The following CHST9 variants were observed in gnomAD, a reference collection of about 807,000 sequenced individuals.
The protein encoded by CHST9 is GalNAc-4-sulfotransferase 2.
A neutral mutation model predicts 44.4 loss-of-function variants in CHST9; 41 were observed. The observed-to-expected ratio is 0.92, with a 90% CI of 0.72 to 1.20. The LOEUF (loss-of-function observed/expected upper bound fraction) is 1.20. CHST9 is among the 50% of genes most tolerant of loss of function. CHST9 has a pLI of 0.00. For synonymous variants in CHST9, 171 were observed against 178.4 expected, an observed-to-expected ratio of 0.96 and a Z score of 0.33; for missense variants, 504 against 516.5, an observed-to-expected ratio of 0.98 and a Z score of 0.23.
intron 1 of CHST9, among the ~76,000 whole-genome samples, chr18:27,158,226 T>C (rs1304502820): frequency 3.3e-5 from 5 of 152,126 alleles, no homozygotes; most frequent in Non-Finnish European, 5.9e-5. Flanking sequence ...TTAACATTAG[T>C]TATATCTCCC....
intron 2 of CHST9, among the ~76,000 whole-genome samples, chr18:27,124,113 C>T (rs2058399454): frequency 6.6e-6 from 1 of 152,122 alleles, no homozygotes; most frequent in Admixed American, 6.5e-5. Context: ...CCAAAGGGTC[C>T]CCAAAGTCAA....
chr18:27,183,810 C>T (rs2058932788), intron 1 of CHST9, among the ~76,000 whole-genome samples: 1 of 151,872 alleles, frequency 6.6e-6, no homozygotes, highest in Admixed American at 6.6e-5. Context: ...GTGCTCTTGC[C>T]CATGAAAAAC....
intron 5 of CHST9, among the ~76,000 whole-genome samples, chr18:26,931,879 A>G (rs1313231106): frequency 6.6e-6 from 1 of 152,128 alleles, no homozygotes; most frequent in African/African-American, 2.4e-5. Flanking sequence ...ATAATGGGCA[A>G]TTAATTGCTG....
At chr18:26,952,501 G>T (rs774373698) in intron 4 of CHST9, 40 of 458,278 alleles carry the variant, frequency 8.7e-5, no homozygotes, top group African/African-American at 1.8e-4. Flanking sequence ...AAACCCTGGA[G>T]GACCAGTCCA....
At chr18:27,161,888 T>C (rs1412421912) in intron 1 of CHST9, among the ~76,000 whole-genome samples, 1 of 151,976 alleles carries the variant, frequency 6.6e-6, no homozygotes, top group Non-Finnish European at 1.5e-5. Context: ...CTTTTGATCT[T>C]TGTTGGTTTA....
intron 4 of CHST9, among the ~76,000 whole-genome samples, chr18:26,990,327 T>C (rs949458854): frequency 6.6e-6 from 1 of 152,208 alleles, no homozygotes; most frequent in Non-Finnish European, 1.5e-5. Context: ...AAAAAGCTAA[T>C]GGCATAGAGC....
At chr18:26,928,382 A>G (rs1280844291) in intron 5 of CHST9, 1 of 152,154 alleles carries the variant, frequency 6.6e-6, no homozygotes, top group Non-Finnish European at 1.5e-5. Context: ...TACAAGAAAG[A>G]AGAAAGTTGT....
chr18:26,985,018 G>C (rs951942693), intron 4 of CHST9, among the ~76,000 whole-genome samples: 32 of 152,274 alleles, frequency 2.1e-4, no homozygotes, highest in African/African-American at 7.5e-4. Flanking sequence ...CTACCAGAAA[G>C]AGATGCATGC....
chr18:27,141,549 C>T (rs190457730), intron 2 of CHST9, among the ~76,000 whole-genome samples: 2 of 128,450 alleles, frequency 1.6e-5, no homozygotes, highest in Admixed American at 1.9e-4. Flanking sequence ...CAAGATCATG[C>T]TATCGCTCTC....
chr18:27,169,200 T>C (rs901962340), intron 1 of CHST9, among the ~76,000 whole-genome samples: 1 of 152,338 alleles, frequency 6.6e-6, no homozygotes, highest in Middle Eastern at 3.4e-3. Flanking sequence ...ACATGATATA[T>C]GTATGTTGTT....
At position 27,127,467 on chromosome 18, in the gene CHST9, G is replaced by A. The variant is rs78134625; in HGVS notation, c.121+15222C>T. On this transcript the variant is annotated intron_variant, in intron 2 of 5. Transcript: ENST00000618847. ...GATTTAATGGTGGGAAGGTGGTTGC[G>A]GAGAAAAGGACCAGTGGTTGATAGG... Among the ~76,000 whole-genome samples the A allele has an allele frequency of 4.5e-3, 684 of 152,170 alleles. 4 individuals are homozygous for A. The highest frequency in any genetic ancestry group is 0.015 in the African/African-American group (641 of 41,514).
intron 3 of CHST9, among the ~76,000 whole-genome samples, chr18:27,034,542 TCCCACAGTCTATAAGGC>T (rs1239217712): frequency 1.3e-5 from 2 of 152,156 alleles, no homozygotes; most frequent in Admixed American, 6.5e-5. Context: ...CCAAACTGCT[TCCCACAGTCTATAAGGC>T]CCCATGTAAG....
intron 4 of CHST9, among the ~76,000 whole-genome samples, chr18:27,021,428 C>T (rs1006665108): frequency 2.6e-5 from 4 of 152,154 alleles, no homozygotes; most frequent in Admixed American, 6.5e-5. Flanking sequence ...GGCCTCTAAA[C>T]TTCTGAGATC....
At chr18:27,087,417 T>C (rs928903802) in intron 2 of CHST9, among the ~76,000 whole-genome samples, 1 of 152,228 alleles carries the variant, frequency 6.6e-6, no homozygotes, top group Admixed American at 6.5e-5. Context: ...CGCCCTTTTA[T>C]TGAGTCTCTT....
intron 2 of CHST9, among the ~76,000 whole-genome samples, chr18:27,135,654 G>A (rs8091366): frequency 0.79 from 120,525 of 152,094 alleles, 47,992 homozygotes; most frequent in East Asian, 0.92. Flanking sequence ...TCCCCGTATC[G>A]GGGCCGCACT....
chr18:27,000,576 G>C (rs1485917413), intron 4 of CHST9, among the ~76,000 whole-genome samples: 1 of 151,730 alleles, frequency 6.6e-6, no homozygotes, highest in Admixed American at 6.6e-5. Context: ...CAGTCTTAAA[G>C]CCTTTTTCAT....
chr18:26,919,991 G>A (rs1032025575), intron 5 of CHST9, among the ~76,000 whole-genome samples: 1 of 152,122 alleles, frequency 6.6e-6, no homozygotes, highest in African/African-American at 2.4e-5. Context: ...TGAAATCAAT[G>A]TGTTCTCCTT....
At chr18:27,104,202 A>G (rs936310730) in intron 2 of CHST9, among the ~76,000 whole-genome samples, 2 of 151,944 alleles carry the variant, frequency 1.3e-5, no homozygotes, top group African/African-American at 2.4e-5. Context: ...TAAATTCTAC[A>G]TCCTTCCAAG....
intron 3 of CHST9, among the ~76,000 whole-genome samples, chr18:27,040,334 T>C (rs544899972): frequency 1.3e-5 from 2 of 152,256 alleles, no homozygotes; most frequent in South Asian, 2.1e-4. Flanking sequence ...GGATCACGTC[T>C]AAGAAAATTT....
Sources: allele counts gnomAD v4.1 joint callset (sites outside exome capture counted in the v4.1 genomes callset), GRCh38; gene constraint gnomAD v4.1.1; transcripts MANE v1.5; gene names NCBI Gene and HGNC (gene_info 2026-07-23, HGNC 2026-07-21).